Variants in ZCCHC14 observed in about 807,000 individuals in gnomAD.
The protein encoded by ZCCHC14 is zinc finger CCHC-type containing 14.
Under a neutral mutation model 85.0 loss-of-function variants are expected in ZCCHC14, and 16 were observed. The observed-to-expected ratio is 0.19, with a 90% CI of 0.13 to 0.29. The LOEUF is 0.29. Ranked by LOEUF, ZCCHC14 falls within the 10% of genes least tolerant of loss-of-function variation. The pLI, the probability that ZCCHC14 is intolerant of heterozygous loss-of-function variation, is 1.00. For synonymous variants in ZCCHC14, 775 were observed against 630.7 expected, an observed-to-expected ratio of 1.23 and a Z score of -3.43; for missense variants, 1,303 against 1,443.5, an observed-to-expected ratio of 0.90 and a Z score of 1.58.
At chr16:87,422,929 G>A (rs536839540) in intron 4 of ZCCHC14, among the ~76,000 whole-genome samples, 6 of 151,956 alleles carry the variant, frequency 3.9e-5, no homozygotes, top group South Asian at 2.1e-4. Context: ...TGTTACCCTC[G>A]AAGGCGTGGC....
In ZCCHC14 at chr16:87,420,832, T is replaced by C; in HGVS notation, c.841-116A>G. The stretch of plus-strand genomic sequence containing the variant: ...TCCATGGTGCCGCCTGCTGGTCTGA[T>C]ATGATTTACACCTCCCGTCAGAGCT... On this transcript the variant is annotated intron_variant, in intron 4 of 12. Coordinates refer to ENST00000671377, the MANE Select transcript of ZCCHC14 (RefSeq NM_015144.3). This position sits in a 1 kb window ranked among gnomAD's most constrained non-coding sequence, Gnocchi z 5.0. The C allele has an allele frequency of 1.3e-6, 1 of 773,306 alleles. No homozygotes were observed. The highest frequency in any genetic ancestry group is 1.8e-5 in the South Asian group (1 of 54,816). 47.9% of individuals were successfully genotyped at this position (773,306 alleles called of 1,614,324 possible).
chr16:87,483,474 G>T (rs1000205306), intron 1 of ZCCHC14, among the ~76,000 whole-genome samples: 30 of 151,424 alleles, frequency 2.0e-4, no homozygotes, highest in African/African-American at 6.9e-4. Flanking sequence ...CTGGGTGACA[G>T]AGTGAGACTC....
chr16:87,438,218 C>T (rs1002387279), intron 2 of ZCCHC14, among the ~76,000 whole-genome samples: 8 of 152,282 alleles, frequency 5.3e-5, no homozygotes, highest in South Asian at 2.1e-4. Context: ...GAGGAATGCA[C>T]GCCCCGACCC....
chr16:87,419,671 G>A (rs1393334481), intron 6 of ZCCHC14, 112 bp downstream of exon 6: 3 of 833,842 alleles, frequency 3.6e-6, no homozygotes, highest in African/African-American at 3.6e-5. Context: ...CCCAACCTCA[G>A]GTGATCCGCC....
rs79319720 is a variant in ZCCHC14, at chr16:87,417,752, A to G, written c.1101-10T>C. The G allele has an allele frequency of 0.022, 33,738 of 1,567,368 alleles. 411 individuals carry two copies. Among genetic ancestry groups the G allele is most frequent in the Non-Finnish European group, 0.025 (29,051 of 1,159,528 alleles). On this transcript the variant is annotated splice_polypyrimidine_tract_variant and intron_variant, in intron 7 of 12. Coordinates refer to ENST00000671377, the MANE Select transcript of ZCCHC14 (RefSeq NM_015144.3). The stretch of plus-strand genomic sequence containing the variant: ...CACTCCACACACAGGCCTGTGGGAC[A>G]GGGGCAGGAGGGACACAGAGAGACT...
intron 1 of ZCCHC14, among the ~76,000 whole-genome samples, chr16:87,479,869 T>G (rs1279535163): frequency 6.6e-6 from 1 of 152,114 alleles, no homozygotes; most frequent in Middle Eastern, 3.2e-3. Flanking sequence ...CCAGGTAACC[T>G]AAAGCCCAAC....
At chr16:87,434,579 T>G (rs778485247) in intron 2 of ZCCHC14, among the ~76,000 whole-genome samples, 1 of 152,214 alleles carries the variant, frequency 6.6e-6, no homozygotes, top group East Asian at 1.9e-4. Context: ...AATGTGACAC[T>G]TCCTGCAGGC....
chr16:87,433,022 G>A, intron 3 of ZCCHC14, 106 bp downstream of exon 3: 1 of 1,239,380 alleles, frequency 8.1e-7, no homozygotes. Flanking sequence ...ACTGGCACGG[G>A]GCTTTGCACA....
chr16:87,422,114 A>T (rs1296827135), intron 4 of ZCCHC14, among the ~76,000 whole-genome samples: 1 of 152,222 alleles, frequency 6.6e-6, no homozygotes, highest in African/African-American at 2.4e-5. Context: ...TTTCATGAAC[A>T]CGTTTCAGCA....
At chr16:87,464,484 G>T (rs892162157) in intron 1 of ZCCHC14, among the ~76,000 whole-genome samples, 1 of 152,190 alleles carries the variant, frequency 6.6e-6, no homozygotes, top group African/African-American at 2.4e-5. Flanking sequence ...GAGAAAACAG[G>T]AAGTCTTTTC....
At chr16:87,472,072 T>A (rs1172930483) in intron 1 of ZCCHC14, 2 of 152,314 alleles carry the variant, frequency 1.3e-5, no homozygotes, top group Non-Finnish European at 2.9e-5. Context: ...AGAAAATGCT[T>A]GCACAGACAA....
At chr16:87,432,316 A>C (rs1909703218) in intron 3 of ZCCHC14, among the ~76,000 whole-genome samples, 1 of 152,188 alleles carries the variant, frequency 6.6e-6, no homozygotes. Context: ...TTAGGCATCT[A>C]GGTGGGACCA....
rs1908259420 is a variant in ZCCHC14, at chr16:87,407,620, T to C, written c.*2660A>G. On this transcript the variant is annotated 3_prime_UTR_variant, in exon 13 of 13. Transcript: ENST00000671377. ...ATTAAAAAAACAGGGTTAGAAACTT[T>C]AATATCTGACAGACTACAAAGGGCA... is the stretch of plus-strand genomic sequence containing the variant. 6.6e-6 allele frequency: 1 copy of C among 152,240 alleles called. No homozygotes were observed. Among genetic ancestry groups the C allele is most frequent in the Non-Finnish European group, 1.5e-5 (1 of 68,050 alleles). 9.4% of individuals were successfully genotyped at this position (152,240 alleles called of 1,614,324 possible). A position where few individuals can be genotyped will look rare whatever the true frequency, so the allele number is the denominator to read the frequency against.
chr16:87,431,595 ATAACTGGAC>A (rs747801692), intron 3 of ZCCHC14, among the ~76,000 whole-genome samples: 6 of 152,158 alleles, frequency 3.9e-5, no homozygotes, highest in Non-Finnish European at 7.4e-5. Flanking sequence ...CTCACCACAA[ATAACTGGAC>A]TAACTGGACT....
chr16:87,462,599 G>C (rs1437589267), intron 1 of ZCCHC14, among the ~76,000 whole-genome samples: 2 of 151,962 alleles, frequency 1.3e-5, no homozygotes, highest in African/African-American at 4.8e-5. Context: ...AATTAGCCAG[G>C]CATGGTGGCG....
At position 87,492,919 on chromosome 16, in the gene ZCCHC14, G is replaced by A. The variant is rs1912847046; in HGVS notation, c.-681C>T. 7.1e-6 allele frequency among the ~76,000 whole-genome samples: 1 copy of A among 140,940 alleles called. No homozygotes were observed. The highest frequency in any genetic ancestry group is 1.5e-5 in the Non-Finnish European group (1 of 65,868). 92.5% of individuals were successfully genotyped at this position (140,940 alleles called of 152,430 possible). On this transcript the variant is annotated 5_prime_UTR_variant, in exon 1 of 13. Transcript: ENST00000671377. This position sits in a 1 kb window ranked among gnomAD's most constrained non-coding sequence, Gnocchi z 6.7. Reference sequence around the variant, plus strand: ...ATCCGGGCCCGAGCGCGGCGGCGGCGGCGACGGCGACGGCGACGGCGACGG... The same window carrying A: ...ATCCGGGCCCGAGCGCGGCGGCGGCAGCGACGGCGACGGCGACGGCGACGG...
At chr16:87,485,872 G>C (rs1912493417) in intron 1 of ZCCHC14, among the ~76,000 whole-genome samples, 1 of 152,150 alleles carries the variant, frequency 6.6e-6, no homozygotes, top group African/African-American at 2.4e-5. Flanking sequence ...GTAAACTAAA[G>C]CCTAAGTAAA....
intron 2 of ZCCHC14, among the ~76,000 whole-genome samples, chr16:87,456,188 G>C (rs952704295): frequency 6.6e-6 from 1 of 152,138 alleles, no homozygotes; most frequent in Non-Finnish European, 1.5e-5. Context: ...CTACACACTG[G>C]AATCCCAGCA....
intron 8 of ZCCHC14, among the ~76,000 whole-genome samples, chr16:87,416,872 C>T (rs572272120): frequency 1.1e-3 from 172 of 152,130 alleles, no homozygotes; most frequent in Non-Finnish European, 1.9e-3. Flanking sequence ...GTAGATTTTT[C>T]GAGAAATGAA....
Sources: allele counts gnomAD v4.1 joint callset (sites outside exome capture counted in the v4.1 genomes callset), GRCh38; gene constraint gnomAD v4.1.1; non-coding constraint Gnocchi (gnomAD v3.1); transcripts MANE v1.5; gene names NCBI Gene and HGNC (gene_info 2026-07-23, HGNC 2026-07-21).